SMAD2: variants seen among roughly 807,000 people sequenced by gnomAD.
SMAD2 encodes the protein SMAD family member 2.
SMAD2 carries 8 observed loss-of-function variants against 64.4 expected under a neutral mutation model. That is an observed-to-expected ratio of 0.12 (90% CI 0.07 to 0.22). The LOEUF (loss-of-function observed/expected upper bound fraction) is 0.22, where lower values mean the gene tolerates loss of function less well. SMAD2 is among the 10% of genes least tolerant of loss of function. SMAD2 has a pLI of 1.00. For missense variants in SMAD2, 289 were observed against 561.2 expected (o/e 0.51, Z 4.90); for synonymous variants, 203 against 195.8 (o/e 1.04, Z -0.31).
At chr18:47,848,144 A>G (rs1914709815) in intron 8 of SMAD2, among the ~76,000 whole-genome samples, 1 of 152,194 alleles carries the variant, frequency 6.6e-6, no homozygotes, top group South Asian at 2.1e-4. Context: ...ACAAAAAAAC[A>G]TGATTTATAA....
At chr18:47,866,450 T>C (rs1215896633) in intron 5 of SMAD2, among the ~76,000 whole-genome samples, 1 of 151,618 alleles carries the variant, frequency 6.6e-6, no homozygotes, top group Admixed American at 6.6e-5. Flanking sequence ...TAAGTGTCAG[T>C]ACCCCCAAAT....
chr18:47,850,501 ATGT>A (rs1915244897), intron 7 of SMAD2, among the ~76,000 whole-genome samples: 1 of 24,616 alleles, frequency 4.1e-5, no homozygotes, highest in South Asian at 1.3e-3. Flanking sequence ...TGTATAATAT[ATGT>A]TATATATATA....
At chr18:47,903,522 T>C (rs188573885) in intron 1 of SMAD2, among the ~76,000 whole-genome samples, 40 of 152,284 alleles carry the variant, frequency 2.6e-4, no homozygotes, top group African/African-American at 9.1e-4. Flanking sequence ...GACCATTTTC[T>C]AAAAGTAAAT....
intron 10 of SMAD2, 117 bp from the exon 11 acceptor site, chr18:47,842,067 AT>A (rs540623280): frequency 5.6e-4 from 654 of 1,157,720 alleles, no homozygotes; most frequent in Non-Finnish European, 7.1e-4. Flanking sequence ...TGTGTATATA[AT>A]TTTGGACACG....
rs182924054 is a variant in SMAD2, at chr18:47,915,717, A to G, written c.-54+14644T>C. Among the ~76,000 whole-genome samples, 248 of 152,316 alleles carry G rather than the reference A, an allele frequency of 1.6e-3. 1 individual carries two copies. The highest frequency in any genetic ancestry group is 7.8e-3 in the Admixed American group (120 of 15,296). On this transcript the variant is annotated intron_variant, in intron 1 of 10. Transcript: ENST00000262160. ...CGAACCGTGAGTGGGCATGAAATCAATAATTCTAACAAATGTTTACACTAA... is the reference window on the plus strand; with the variant it reads ...CGAACCGTGAGTGGGCATGAAATCAGTAATTCTAACAAATGTTTACACTAA...
chr18:47,893,316 T>C (rs1389610902), intron 2 of SMAD2, among the ~76,000 whole-genome samples: 3 of 152,212 alleles, frequency 2.0e-5, no homozygotes, highest in African/African-American at 7.2e-5. Context: ...GCCAGGACTA[T>C]GTTTCTGCCC....
chr18:47,903,518 T>C (rs2033772202), intron 1 of SMAD2, among the ~76,000 whole-genome samples: 1 of 152,092 alleles, frequency 6.6e-6, no homozygotes, highest in African/African-American at 2.4e-5. Flanking sequence ...GATGGACCAT[T>C]TTCTAAAAGT....
chr18:47,868,822 T>A (rs1378618976), intron 4 of SMAD2, among the ~76,000 whole-genome samples: 2 of 152,216 alleles, frequency 1.3e-5, no homozygotes, highest in Non-Finnish European at 2.9e-5. Context: ...TTTTTAATAG[T>A]TTCAGGTAGA....
At chr18:47,896,479 C>T (rs2144473963) in intron 2 of SMAD2, 42 bp downstream of exon 2, 1 of 1,600,936 alleles carries the variant, frequency 6.2e-7, no homozygotes, top group Non-Finnish European at 8.6e-7. Context: ...CTTCAGATTC[C>T]TTGACATAAT....
intron 5 of SMAD2, among the ~76,000 whole-genome samples, chr18:47,867,899 A>G (rs1052293714): frequency 5.9e-5 from 9 of 152,170 alleles, no homozygotes; most frequent in Non-Finnish European, 1.2e-4. Context: ...TAGAAATGTT[A>G]TATTTCTGTT....
At chr18:47,919,890 A>G (rs919320530) in intron 1 of SMAD2, among the ~76,000 whole-genome samples, 8 of 152,236 alleles carry the variant, frequency 5.3e-5, no homozygotes, top group African/African-American at 1.9e-4. Context: ...ACATGTTTAT[A>G]TATGTATGGA....
At position 47,829,671 on chromosome 18, in the gene SMAD2, G is replaced by A. The variant is rs1417036887; in HGVS notation, c.*12156C>T. ...AAAAACGGGAAGCAGTGCATAGGCA[G>A]TATGAAGTAGACACTTTGGCAAATA... On this transcript the variant is annotated 3_prime_UTR_variant, in exon 11 of 11. Coordinates refer to ENST00000262160, the MANE Select transcript of SMAD2 (RefSeq NM_005901.6). 2 of 152,196 alleles carry A rather than the reference G, an allele frequency of 1.3e-5. No homozygotes were observed. The highest frequency in any genetic ancestry group is 2.4e-5 in the African/African-American group (1 of 41,448). 9.4% of individuals were successfully genotyped at this position (152,196 alleles called of 1,614,324 possible). A position where few individuals can be genotyped will look rare whatever the true frequency, so the allele number is the denominator to read the frequency against.
chr18:47,856,115 A>C (rs1214883478), intron 6 of SMAD2, among the ~76,000 whole-genome samples: 2 of 151,078 alleles, frequency 1.3e-5, no homozygotes, highest in African/African-American at 4.9e-5. Context: ...ACATAGAAAG[A>C]CACATGGCAT....
intron 6 of SMAD2, among the ~76,000 whole-genome samples, chr18:47,852,969 GT>G (rs2030270227): frequency 6.6e-6 from 1 of 151,988 alleles, no homozygotes; most frequent in African/African-American, 2.4e-5. Context: ...TTCTCTACAC[GT>G]TTAGGCACAG....
chr18:47,907,476 C>A (rs2033950456), intron 1 of SMAD2, among the ~76,000 whole-genome samples: 1 of 152,158 alleles, frequency 6.6e-6, no homozygotes, highest in South Asian at 2.1e-4. Flanking sequence ...GTCAAGATGA[C>A]CATCTCAGAG....
chr18:47,843,229 C>T (rs1914143833), intron 10 of SMAD2, among the ~76,000 whole-genome samples: 1 of 152,180 alleles, frequency 6.6e-6, no homozygotes, highest in Admixed American at 6.5e-5. Context: ...ACCAAGGAAA[C>T]AGAAATTGAC....
chr18:47,857,793 A>G (rs1041293657), intron 6 of SMAD2, among the ~76,000 whole-genome samples: 1 of 152,218 alleles, frequency 6.6e-6, no homozygotes, highest in African/African-American at 2.4e-5. Context: ...GCAAGCACAG[A>G]GCTCCTCTTC....
At chr18:47,916,365 TGA>T (rs1431044468) in intron 1 of SMAD2, among the ~76,000 whole-genome samples, 1 of 152,102 alleles carries the variant, frequency 6.6e-6, no homozygotes. Flanking sequence ...GTGTTTTGCT[TGA>T]GGACTTAAAA....
intron 6 of SMAD2, among the ~76,000 whole-genome samples, chr18:47,852,275 A>C (rs1401890856): frequency 1.3e-5 from 2 of 152,188 alleles, no homozygotes; most frequent in Admixed American, 6.5e-5. Flanking sequence ...ATGTAGCACT[A>C]AAATAAAAGC....
Sources: allele counts gnomAD v4.1 joint callset (sites outside exome capture counted in the v4.1 genomes callset), GRCh38; gene constraint gnomAD v4.1.1; transcripts MANE v1.5; gene names NCBI Gene and HGNC (gene_info 2026-07-23, HGNC 2026-07-21).